MGA: variants seen among roughly 807,000 people sequenced by gnomAD.
MGA encodes MAX dimerization protein MGA, also known as MAX gene-associated protein.
MGA carries 40 observed loss-of-function variants against 261.1 expected under a neutral mutation model. The ratio of observed to expected loss-of-function variants is 0.15; its 90% CI spans 0.12 to 0.20. The LOEUF (loss-of-function observed/expected upper bound fraction) is 0.20. Among genes scored for constraint, MGA ranks in the 10% least tolerant of loss-of-function variants. The pLI is 1.00. For missense variants in MGA, 3,397 were observed against 3,630.5 expected, an observed-to-expected ratio of 0.94 and a Z score of 1.65; for synonymous variants, 1,302 against 1,290.6, an observed-to-expected ratio of 1.01 and a Z score of -0.19.
intron 9 of MGA, among the ~76,000 whole-genome samples, chr15:41,724,168 A>G (rs1489099676): frequency 2.0e-5 from 3 of 152,200 alleles, no homozygotes; most frequent in Non-Finnish European, 4.4e-5. Flanking sequence ...GCGTGTACAA[A>G]ATAATTAGCT....
At chr15:41,641,721 C>T (rs1480310680) in intron 1 of MGA, among the ~76,000 whole-genome samples, 1 of 151,810 alleles carries the variant, frequency 6.6e-6, no homozygotes, top group Non-Finnish European at 1.5e-5. Flanking sequence ...ATCTCTTGAC[C>T]TCGTGATCTG....
intron 1 of MGA, among the ~76,000 whole-genome samples, chr15:41,641,793 T>C (rs2056827056): frequency 6.6e-6 from 1 of 152,024 alleles, no homozygotes; most frequent in Non-Finnish European, 1.5e-5. Context: ...CGGCCTACAC[T>C]TTTTTTGTTC....
intron 12 of MGA, among the ~76,000 whole-genome samples, chr15:41,735,158 C>T (rs533956053): frequency 1.9e-4 from 29 of 152,198 alleles, no homozygotes; most frequent in South Asian, 6.2e-4. Context: ...TAGCACATTG[C>T]GGTAAGTGGA....
chr15:41,683,161 TCATATTATG>T (rs2058761929), intron 2 of MGA, among the ~76,000 whole-genome samples: 3 of 152,164 alleles, frequency 2.0e-5, no homozygotes, highest in Admixed American at 6.6e-5. Context: ...TATTGATCCC[TCATATTATG>T]AAATTTCAGT....
At chr15:41,671,581 C>T (rs546319365) in intron 2 of MGA, among the ~76,000 whole-genome samples, 4 of 152,002 alleles carry the variant, frequency 2.6e-5, no homozygotes, top group Non-Finnish European at 5.9e-5. Context: ...CACCCGCCTC[C>T]GCCTCCCAAA....
chr15:41,673,136 A>G (rs913216506), intron 2 of MGA, among the ~76,000 whole-genome samples: 1 of 151,946 alleles, frequency 6.6e-6, no homozygotes, highest in African/African-American at 2.4e-5. Context: ...CTGACTCCTT[A>G]TATTATAATA....
intron 13 of MGA, among the ~76,000 whole-genome samples, chr15:41,737,831 T>G (rs565422073): frequency 1.3e-4 from 20 of 152,014 alleles, no homozygotes; most frequent in African/African-American, 3.4e-4. Context: ...AATAAAAAAG[T>G]TAGCCCGGCG....
chr15:41,719,298 T>C (rs1194301413), intron 9 of MGA, among the ~76,000 whole-genome samples: 1 of 152,128 alleles, frequency 6.6e-6, no homozygotes, highest in African/African-American at 2.4e-5. Context: ...AAGACACTCT[T>C]GGTAAGATAC....
At chr15:41,741,397 C>T (rs2062094804) in intron 14 of MGA, among the ~76,000 whole-genome samples, 1 of 148,184 alleles carries the variant, frequency 6.7e-6, no homozygotes, top group Admixed American at 6.7e-5. Flanking sequence ...ATTAAGGCAG[C>T]TTCAGTTGTG....
chr15:41,742,477 T>G (rs998123543), intron 14 of MGA, 69 bp from the exon 15 acceptor site: 6 of 1,549,494 alleles, frequency 3.9e-6, no homozygotes, highest in Non-Finnish European at 4.4e-6. Context: ...TAAATGTCGG[T>G]AAGCACAGTC....
intron 1 of MGA, among the ~76,000 whole-genome samples, chr15:41,649,828 C>T (rs892253047): frequency 6.6e-5 from 10 of 152,260 alleles, no homozygotes; most frequent in Admixed American, 2.6e-4. Flanking sequence ...TACAAGCACC[C>T]GCCACCACAC....
intron 1 of MGA, among the ~76,000 whole-genome samples, chr15:41,655,310 C>T (rs2150748036): frequency 6.6e-6 from 1 of 151,800 alleles, no homozygotes; most frequent in East Asian, 1.9e-4. Flanking sequence ...TCCCAAGTAG[C>T]TGGGATTACA....
chr15:41,697,637 A>G lies in MGA; in HGVS notation c.2013+614A>G, dbSNP rs187584330. Among the ~76,000 whole-genome samples, 21 of 151,886 alleles carry G rather than the reference A, an allele frequency of 1.4e-4. No homozygotes were observed. In the East Asian group the frequency reaches 3.1e-3, roughly 22 times the overall value. Reference sequence around the variant, plus strand: ...TTGCAATGTTGGCCAGCTAATTTCTAACTTCTGGCCTCCAGCAGTCTGCCT... The same window carrying G: ...TTGCAATGTTGGCCAGCTAATTTCTGACTTCTGGCCTCCAGCAGTCTGCCT... On this transcript the variant is annotated intron_variant, in intron 3 of 23. Transcript: ENST00000219905.
Position 41,767,575 on chromosome 15 carries a change from A to G in MGA, c.*295A>G. The G allele has an allele frequency of 2.7e-6, 1 of 367,488 alleles. No homozygotes were observed. The allele number at this position is 367,488 out of a possible 1,614,324, so 22.8% of individuals were successfully genotyped here. ...GCCCCTCTTACCCAAGGAATTTATA[A>G]CATGACTCTGGCTCCACAGTGGTTT... On this transcript the variant is annotated 3_prime_UTR_variant, in exon 24 of 24. Coordinates refer to ENST00000219905, the MANE Select transcript of MGA (RefSeq NM_001164273.2).
intron 1 of MGA, among the ~76,000 whole-genome samples, chr15:41,624,524 G>A (rs770058280): frequency 6.6e-6 from 1 of 152,120 alleles, no homozygotes; most frequent in African/African-American, 2.4e-5. Context: ...TAGTAGAGAC[G>A]GGGTTTCACT....
At position 41,726,227 on chromosome 15, in the gene MGA, TACTGGTTGGACATCCCTGCCTCTC is replaced by T. The variant is rs1164762771; in HGVS notation, c.3431-933_3431-910del. Reference sequence around the variant, plus strand: ...AGGGTTTGATTCTGGTTCTGCCTCTTACTGGTTGGACATCCCTGCCTCTCACTGGTTGGACATCCCTGCACCTCA... The same window carrying T: ...AGGGTTTGATTCTGGTTCTGCCTCTTACTGGTTGGACATCCCTGCACCTCA... On this transcript the variant is annotated intron_variant, in intron 9 of 23. Coordinates refer to ENST00000219905, the MANE Select transcript of MGA (RefSeq NM_001164273.2). Among the ~76,000 whole-genome samples, 14 of 152,244 alleles carry T rather than the reference TACTGGTTGGACATCCCTGCCTCTC, an allele frequency of 9.2e-5. No individual in the cohort carries two copies. The East Asian group carries it at 1.7e-3, about 19-fold the overall frequency.
chr15:41,633,064 G>C (rs967313928), intron 1 of MGA, among the ~76,000 whole-genome samples: 1 of 149,698 alleles, frequency 6.7e-6, no homozygotes, highest in African/African-American at 2.5e-5. Flanking sequence ...CGATTCTTCT[G>C]CCTCAGCCTC....
chr15:41,672,134 G>A (rs768466863), intron 2 of MGA, among the ~76,000 whole-genome samples: 9 of 152,194 alleles, frequency 5.9e-5, no homozygotes, highest in Non-Finnish European at 1.3e-4. Context: ...GAAGGAGTTT[G>A]TTAGGTGAAA....
chr15:41,719,228 G>A (rs902902288), intron 9 of MGA, among the ~76,000 whole-genome samples: 1 of 151,964 alleles, frequency 6.6e-6, no homozygotes, highest in Non-Finnish European at 1.5e-5. Flanking sequence ...ATAAGATATT[G>A]CTGAGAGTGA....
Sources: allele counts gnomAD v4.1 joint callset (sites outside exome capture counted in the v4.1 genomes callset), GRCh38; gene constraint gnomAD v4.1.1; transcripts MANE v1.5; gene names NCBI Gene and HGNC (gene_info 2026-07-23, HGNC 2026-07-21).